The following DLC1 variants were observed in gnomAD, a reference collection of about 807,000 sequenced individuals.
The protein encoded by DLC1 is rho GTPase-activating protein 7.
DLC1 carries 54 observed loss-of-function variants against 140.3 expected under a neutral mutation model. That is an observed-to-expected ratio of 0.38 (90% CI 0.31 to 0.48). The LOEUF (loss-of-function observed/expected upper bound fraction) is 0.48. Ranked by LOEUF, DLC1 falls within the 20% of genes least tolerant of loss-of-function variation. The probability of loss-of-function intolerance (pLI) is 0.96; values close to 1 mark genes in which losing one functional copy is unlikely to be tolerated. For synonymous variants in DLC1, 986 were observed against 728.1 expected, an observed-to-expected ratio of 1.35 and a Z score of -5.70; for missense variants, 2,536 against 1,907.0, an observed-to-expected ratio of 1.33 and a Z score of -6.14.
rs112124509 is a variant in DLC1 at position 13,200,751 on chromosome 8, C to A, written c.1349-85094G>T. Among the ~76,000 whole-genome samples, 295 of 152,060 alleles carry A rather than the reference C, an allele frequency of 1.9e-3. 1 individual carries two copies. Among genetic ancestry groups the A allele is most frequent in the African/African-American group, 6.8e-3 (280 of 41,472 alleles). On this transcript the variant is annotated intron_variant, in intron 5 of 17. Transcript: ENST00000276297. ...TCCTGAGTAGGTGGGACGACAGGTC[C>A]ATGCCCAGCTGTTTCAAATTGTTTT... is the stretch of plus-strand genomic sequence containing the variant.
chr8:13,134,837 C>G (rs1236775343), intron 5 of DLC1, among the ~76,000 whole-genome samples: 1 of 152,102 alleles, frequency 6.6e-6, no homozygotes, highest in African/African-American at 2.4e-5. Flanking sequence ...CTACTGGCTC[C>G]CTAATTTACC....
At chr8:13,361,350 G>C (rs1431959135) in intron 4 of DLC1, among the ~76,000 whole-genome samples, 1 of 151,674 alleles carries the variant, frequency 6.6e-6, no homozygotes, top group South Asian at 2.1e-4. Flanking sequence ...GAACTCCTGG[G>C]CTCAAGCAAT....
intron 5 of DLC1, among the ~76,000 whole-genome samples, chr8:13,234,199 G>A (rs1271251757): frequency 6.6e-6 from 1 of 152,082 alleles, no homozygotes; most frequent in Non-Finnish European, 1.5e-5. Context: ...GGGAAAATGT[G>A]GAGGGAATGC....
intron 1 of DLC1, among the ~76,000 whole-genome samples, chr8:13,543,692 C>T (rs191385262): frequency 2.4e-3 from 371 of 152,184 alleles, no homozygotes; most frequent in South Asian, 8.9e-3. Context: ...TCTTTTGTAG[C>T]AACTTGGATG....
chr8:13,168,371 T>A (rs537390667), intron 5 of DLC1, among the ~76,000 whole-genome samples: 4 of 152,320 alleles, frequency 2.6e-5, no homozygotes, highest in East Asian at 3.9e-4. Flanking sequence ...TCGTTCCAGT[T>A]GTACTTCAGT....
chr8:13,543,646 G>A (rs969692737), intron 1 of DLC1, among the ~76,000 whole-genome samples: 1 of 151,992 alleles, frequency 6.6e-6, no homozygotes, highest in Non-Finnish European at 1.5e-5. Flanking sequence ...ATATACCAGA[G>A]AATATTACTC....
At chr8:13,512,551 A>AT (rs886246409) in intron 1 of DLC1, among the ~76,000 whole-genome samples, 2 of 152,124 alleles carry the variant, frequency 1.3e-5, no homozygotes, top group Non-Finnish European at 2.9e-5. Flanking sequence ...ATGTAAACAT[A>AT]TTTTTTATAT....
intron 4 of DLC1, among the ~76,000 whole-genome samples, chr8:13,318,310 T>C (rs1832939538): frequency 6.6e-6 from 1 of 152,108 alleles, no homozygotes; most frequent in Non-Finnish European, 1.5e-5. Context: ...CTGGGATTAC[T>C]GGCATGAGCC....
intron 1 of DLC1, among the ~76,000 whole-genome samples, chr8:13,509,794 C>T (rs1312852390): frequency 6.6e-6 from 1 of 151,028 alleles, no homozygotes; most frequent in Non-Finnish European, 1.5e-5. Flanking sequence ...GTGAGGATGT[C>T]TGTGAAATAA....
chr8:13,525,028 C>G (rs1017787113), intron 1 of DLC1, among the ~76,000 whole-genome samples: 5 of 152,162 alleles, frequency 3.3e-5, no homozygotes, highest in African/African-American at 1.2e-4. Flanking sequence ...AAGGCAACGA[C>G]TGATCTGCTT....
intron 4 of DLC1, among the ~76,000 whole-genome samples, chr8:13,367,217 C>T (rs1476067979): frequency 2.0e-5 from 3 of 152,120 alleles, no homozygotes; most frequent in East Asian, 1.9e-4. Context: ...TCTTGCAAGG[C>T]TAGATCTGAT....
chr8:13,214,706 C>G, intron 5 of DLC1: 1 of 780,930 alleles, frequency 1.3e-6, no homozygotes, highest in Non-Finnish European at 2.4e-6. Flanking sequence ...ATTGCCACTT[C>G]CGAGTTGGAA....
At chr8:13,352,223 C>T (rs533885163) in intron 4 of DLC1, among the ~76,000 whole-genome samples, 5 of 152,286 alleles carry the variant, frequency 3.3e-5, no homozygotes, top group African/African-American at 7.2e-5. Context: ...AACACACGCA[C>T]GGCCCTCTCG....
intron 4 of DLC1, among the ~76,000 whole-genome samples, chr8:13,319,589 C>CCAGCCA (rs58779544): frequency 0.42 from 64,296 of 151,368 alleles, 14,200 homozygotes; most frequent in East Asian, 0.83. Flanking sequence ...TCCTCCAGCG[C>CCAGCCA]CAGCCATGTA....
At chr8:13,264,234 A>T (rs1830594248) in intron 5 of DLC1, among the ~76,000 whole-genome samples, 1 of 151,564 alleles carries the variant, frequency 6.6e-6, no homozygotes, top group Non-Finnish European at 1.5e-5. Context: ...ATACCTGGCT[A>T]ATTTTTTTTT....
intron 4 of DLC1, among the ~76,000 whole-genome samples, chr8:13,316,890 G>A (rs1016947963): frequency 6.6e-6 from 1 of 152,014 alleles, no homozygotes; most frequent in African/African-American, 2.4e-5. Flanking sequence ...ATAATCTTAT[G>A]TTAAGGGTTT....
At chr8:13,199,365 T>G (rs1488507173) in intron 5 of DLC1, among the ~76,000 whole-genome samples, 1 of 151,908 alleles carries the variant, frequency 6.6e-6, no homozygotes, top group Non-Finnish European at 1.5e-5. Context: ...TAAATTTTTT[T>G]GTAGATGGAG....
chr8:13,413,001 G>T (rs1036211985), intron 2 of DLC1, among the ~76,000 whole-genome samples: 1 of 150,276 alleles, frequency 6.7e-6, no homozygotes, highest in African/African-American at 2.4e-5. Flanking sequence ...CATGTTTAAT[G>T]AGCAAAACAC....
At chr8:13,525,623 C>A (rs115641303) in intron 1 of DLC1, among the ~76,000 whole-genome samples, 2,862 of 152,244 alleles carry the variant, frequency 0.019, 93 homozygotes, top group African/African-American at 0.064. Context: ...TATTTGTCAG[C>A]ATATATTTGA....
Sources: allele counts gnomAD v4.1 joint callset (sites outside exome capture counted in the v4.1 genomes callset), GRCh38; gene constraint gnomAD v4.1.1; transcripts MANE v1.5; gene names NCBI Gene and HGNC (gene_info 2026-07-23, HGNC 2026-07-21).